The following TRDN variants were observed in gnomAD, a reference collection of about 807,000 sequenced individuals.
TRDN encodes triadin in skeletal muscle.
In TRDN, 161 loss-of-function variants were observed where a neutral mutation model predicts 149.7. The ratio of observed to expected loss-of-function variants is 1.08; its 90% CI spans 0.95 to 1.23. The LOEUF (loss-of-function observed/expected upper bound fraction) is 1.23, where lower values mean the gene tolerates loss of function less well. TRDN is among the 50% of genes most tolerant of loss of function. The pLI is 0.00. For missense variants in TRDN, 896 were observed against 823.5 expected, an observed-to-expected ratio of 1.09 and a Z score of -1.08; for synonymous variants, 294 against 250.5, an observed-to-expected ratio of 1.17 and a Z score of -1.64.
chr6:123,631,100 T>C (rs952104616), intron 1 of TRDN, among the ~76,000 whole-genome samples: 1 of 151,442 alleles, frequency 6.6e-6, no homozygotes, highest in Non-Finnish European at 1.5e-5. Flanking sequence ...TATACTCTCC[T>C]GGTTTTCACA....
chr6:123,354,656 A>C (rs1252136560), intron 20 of TRDN, among the ~76,000 whole-genome samples: 1 of 151,896 alleles, frequency 6.6e-6, no homozygotes, highest in Non-Finnish European at 1.5e-5. Flanking sequence ...GAGAAACAAA[A>C]AGATGGAAAA....
At chr6:123,509,796 G>C (rs1779086640) in intron 7 of TRDN, 1 of 151,656 alleles carries the variant, frequency 6.6e-6, no homozygotes, top group South Asian at 2.1e-4. Context: ...AACTAATGCA[G>C]TATTCAACAA....
chr6:123,374,792 C>CA (rs891307712), intron 19 of TRDN, among the ~76,000 whole-genome samples: 7 of 151,316 alleles, frequency 4.6e-5, no homozygotes, highest in South Asian at 2.1e-4. Context: ...AAAACAAAAA[C>CA]AAAAAAACAA....
At chr6:123,224,212 T>G in intron 38 of TRDN, 81 bp from the exon 39 acceptor site, 1 of 1,381,846 alleles carries the variant, frequency 7.2e-7, no homozygotes, top group Non-Finnish European at 1.0e-6. Flanking sequence ...TAAAGGTTTT[T>G]AAGAGTCACA....
chr6:123,296,696 T>C (rs1374002976), intron 24 of TRDN, among the ~76,000 whole-genome samples: 1 of 152,016 alleles, frequency 6.6e-6, no homozygotes, highest in East Asian at 1.9e-4. Context: ...ATTTATCAAA[T>C]GTGCTGTAAA....
chr6:123,530,628 T>A, intron 4 of TRDN, 63 bp from the exon 5 acceptor site: 1 of 988,750 alleles, frequency 1.0e-6, no homozygotes. Flanking sequence ...AAGCCATAGC[T>A]ATGACCTAAA....
At chr6:123,552,021 C>T (rs1015174049) in intron 2 of TRDN, among the ~76,000 whole-genome samples, 2 of 151,368 alleles carry the variant, frequency 1.3e-5, no homozygotes, top group Admixed American at 6.6e-5. Context: ...AGGATTAAAA[C>T]TGGAAAAAAA....
intron 1 of TRDN, among the ~76,000 whole-genome samples, chr6:123,631,555 G>T (rs925087269): frequency 2.0e-5 from 3 of 151,896 alleles, no homozygotes; most frequent in Admixed American, 2.0e-4. Context: ...AGCATATTTG[G>T]TTTTCATTTC....
intron 19 of TRDN, among the ~76,000 whole-genome samples, chr6:123,366,897 G>C (rs2114361136): frequency 6.6e-6 from 1 of 152,270 alleles, no homozygotes; most frequent in Non-Finnish European, 1.5e-5. Flanking sequence ...TTTTAATCAT[G>C]GTTGAGTCTG....
At position 123,548,626 on chromosome 6, in the gene TRDN, A is replaced by C; in HGVS notation, c.233-14T>G. The C allele has an allele frequency of 4.9e-6, 1 of 203,448 alleles. No homozygotes were observed. Among genetic ancestry groups the C allele is most frequent in the East Asian group, 5.5e-5 (1 of 18,274 alleles). The allele number at this position is 203,448 out of a possible 1,614,324, so 12.6% of individuals were successfully genotyped here. On this transcript the variant is annotated splice_polypyrimidine_tract_variant and intron_variant, in intron 2 of 40. Coordinates refer to ENST00000334268, the MANE Select transcript of TRDN (RefSeq NM_006073.4). Reference sequence around the variant, plus strand: ...CAATAGAGCTTGCTAAAAGTAATTAAAAAAAAAAAAAAAGAAAAAGTTTGT... The same window carrying C: ...CAATAGAGCTTGCTAAAAGTAATTACAAAAAAAAAAAAAGAAAAAGTTTGT...
At chr6:123,221,042 A>C (rs1582733978) in intron 40 of TRDN, among the ~76,000 whole-genome samples, 1 of 151,812 alleles carries the variant, frequency 6.6e-6, no homozygotes, top group Non-Finnish European at 1.5e-5. Flanking sequence ...CCTACCATAC[A>C]TCTAGCAAAA....
intron 8 of TRDN, 110 bp downstream of exon 8, chr6:123,503,609 C>T (rs996056966): frequency 3.3e-6 from 5 of 1,525,366 alleles, no homozygotes; most frequent in Admixed American, 2.2e-5. Context: ...TGTCTTTTAC[C>T]CCCATTTGAA....
rs537849728 is a variant in TRDN, at chr6:123,477,639, A to G, written c.854-12656T>C. Among the ~76,000 whole-genome samples, 1,138 of 152,122 alleles carry G rather than the reference A, an allele frequency of 7.5e-3. 14 individuals are homozygous for G. Among genetic ancestry groups the G allele is most frequent in the African/African-American group, 0.026 (1,066 of 41,442 alleles). ...TGTTTATTGTGGCATTATTCACAGTAGCAAAGACTTGGAACCAACCCAAAT... is the reference window on the plus strand; with the variant it reads ...TGTTTATTGTGGCATTATTCACAGTGGCAAAGACTTGGAACCAACCCAAAT... On this transcript the variant is annotated intron_variant, in intron 9 of 40. Transcript: ENST00000334268.
rs981720825 is a variant in TRDN, at chr6:123,502,477, A to G, written c.793+1242T>C. 4.8e-6 allele frequency: 4 copies of G among 836,370 alleles called. No individual in the cohort carries two copies. The African/African-American group carries it at 5.5e-5, about 12-fold the overall frequency. The allele number at this position is 836,370 out of a possible 1,614,324, so 51.8% of individuals were successfully genotyped here. A position where few individuals can be genotyped will look rare whatever the true frequency, so the allele number is the denominator to read the frequency against. ...TTGTAGATCACTAAAAAAAGAAAAA[A>G]TCTTTCCTTTTTAAAATATATATTT... On this transcript the variant is annotated intron_variant, in intron 8 of 40. Transcript: ENST00000334268.
intron 21 of TRDN, among the ~76,000 whole-genome samples, chr6:123,345,832 T>A (rs1053082091): frequency 6.6e-6 from 1 of 152,104 alleles, no homozygotes; most frequent in Non-Finnish European, 1.5e-5. Flanking sequence ...GTGTTTTTAA[T>A]CTTGTTCATT....
At chr6:123,280,681 T>C (rs1356166772) in intron 24 of TRDN, among the ~76,000 whole-genome samples, 1 of 147,914 alleles carries the variant, frequency 6.8e-6, no homozygotes, top group Non-Finnish European at 1.5e-5. Context: ...TAACCTCTGC[T>C]TAAGGCCTAG....
At position 123,527,253 on chromosome 6, in the gene TRDN, A is replaced by T. The variant is rs140767250; in HGVS notation, c.484+3253T>A. ...GTAAAGGAAATGTTCTTTAATAATC[A>T]TGACTTGGACCTTTTATTTATGACA... On this transcript the variant is annotated intron_variant, in intron 5 of 40. Coordinates refer to ENST00000334268, the MANE Select transcript of TRDN (RefSeq NM_006073.4). Among the ~76,000 whole-genome samples, 37 of 152,162 alleles carry T rather than the reference A, an allele frequency of 2.4e-4. No individual in the cohort carries two copies. The East Asian group carries it at 7.2e-3, about 29-fold the overall frequency.
At position 123,469,373 on chromosome 6, in the gene TRDN, G is replaced by A. The variant is rs550658884; in HGVS notation, c.854-4390C>T. Among the ~76,000 whole-genome samples the A allele has an allele frequency of 3.3e-5, 5 of 152,222 alleles. No homozygotes were observed. In the East Asian group the frequency reaches 7.7e-4, roughly 24 times the overall value. ...AGGGATGGAAAGAGGAGACCCTAGA[G>A]ATATGGGGTGCTAACCACTCCTCCC... is the stretch of plus-strand genomic sequence containing the variant. On this transcript the variant is annotated intron_variant, in intron 9 of 40. Coordinates refer to ENST00000334268, the MANE Select transcript of TRDN (RefSeq NM_006073.4).
chr6:123,309,593 T>A (rs112843473), intron 24 of TRDN, among the ~76,000 whole-genome samples: 1 of 152,016 alleles, frequency 6.6e-6, no homozygotes, highest in African/African-American at 2.4e-5. Flanking sequence ...TACTTTATAG[T>A]AATTTCCTTG....
Sources: gnomAD v4.1 joint callset for allele counts (sites outside exome capture counted in the v4.1 genomes callset) on GRCh38, gnomAD v4.1.1 for gene constraint, MANE v1.5 for transcripts, NCBI Gene and HGNC (gene_info 2026-07-23, HGNC 2026-07-21) for gene names.